The following SERPINE3 variants were observed in gnomAD, a reference collection of about 807,000 sequenced individuals.
SERPINE3 encodes the protein serpin E3.
A neutral mutation model predicts 41.7 loss-of-function variants in SERPINE3; 43 were observed. The observed-to-expected ratio is 1.03, with a 90% CI of 0.81 to 1.33. SERPINE3 has a LOEUF of 1.33. SERPINE3 is among the 40% of genes most tolerant of loss of function. The pLI, the probability that SERPINE3 is intolerant of heterozygous loss-of-function variation, is 0.00. For missense variants in SERPINE3, 440 were observed against 491.7 expected, an observed-to-expected ratio of 0.89 and a Z score of 0.99; for synonymous variants, 200 against 192.2, an observed-to-expected ratio of 1.04 and a Z score of -0.34.
At chr13:51,361,933 A>C (rs765330206) in intron 9 of SERPINE3, 40 bp downstream of exon 9, 1 of 1,611,980 alleles carries the variant, frequency 6.2e-7, no homozygotes, top group Admixed American at 1.7e-5. Flanking sequence ...ATAATTTATC[A>C]GTGTCTCTCT....
Position 51,347,234 on chromosome 13 carries a change from G to A in SERPINE3, c.700G>A (p.Gly234Ser), listed in dbSNP as rs778126334. ...MMHQTTEVNYGQFQDTAGHQV... is the reference protein window; with the variant it reads ...MMHQTTEVNYSQFQDTAGHQV... Reference sequence around the variant, plus strand: ...GCACCAAACGACCGAGGTCAACTACGGTGAGCTCTGCCCCTGCTGGTTTGT... The same window carrying A: ...GCACCAAACGACCGAGGTCAACTACAGTGAGCTCTGCCCCTGCTGGTTTGT... The change falls in exon 5 of 10, where the codon GGT becomes AGT. Residue 234 changes from glycine (G) to serine (S), a missense_variant and splice_region_variant. Coordinates refer to ENST00000681248, the MANE Select transcript of SERPINE3 (RefSeq NM_001386375.1). 3.8e-5 allele frequency: 62 copies of A among 1,612,906 alleles called. No individual in the cohort carries two copies. Among genetic ancestry groups the A allele is most frequent in the Non-Finnish European group, 4.8e-5 (57 of 1,179,422 alleles).
chr13:51,347,491 C>T (rs955013067), intron 5 of SERPINE3, among the ~76,000 whole-genome samples: 3 of 152,178 alleles, frequency 2.0e-5, no homozygotes, highest in Admixed American at 6.5e-5. Flanking sequence ...CTGACATTTC[C>T]TTCTGCACTA....
At chr13:51,346,428 A>G (rs1260059296) in intron 4 of SERPINE3, among the ~76,000 whole-genome samples, 5 of 152,342 alleles carry the variant, frequency 3.3e-5, no homozygotes, top group Non-Finnish European at 7.3e-5. Context: ...AATGGCCCCA[A>G]ACAGAACCAG....
At chr13:51,345,150 T>A (rs1955332943) in intron 4 of SERPINE3, among the ~76,000 whole-genome samples, 1 of 152,120 alleles carries the variant, frequency 6.6e-6, no homozygotes, top group Non-Finnish European at 1.5e-5. Context: ...CTCACAATAA[T>A]CCTAAGGGGT....
chr13:51,359,838 G>C (rs1955535881), intron 7 of SERPINE3, among the ~76,000 whole-genome samples: 1 of 152,016 alleles, frequency 6.6e-6, no homozygotes, highest in African/African-American at 2.4e-5. Flanking sequence ...TAATTAGCTA[G>C]TAAGAGGGGC....
intron 6 of SERPINE3, among the ~76,000 whole-genome samples, chr13:51,352,207 T>G (rs1469683569): frequency 6.6e-6 from 1 of 152,150 alleles, no homozygotes; most frequent in Non-Finnish European, 1.5e-5. Flanking sequence ...TGAGTATTAC[T>G]TTCTAACAAT....
In SERPINE3 at chr13:51,359,729, T is replaced by A. The variant is rs116071990; in HGVS notation, c.1001-1549T>A. Among the ~76,000 whole-genome samples the A allele has an allele frequency of 3.4e-3, 517 of 152,260 alleles. 3 individuals are homozygous for A. Among genetic ancestry groups the A allele is most frequent in the African/African-American group, 0.012 (490 of 41,564 alleles). On this transcript the variant is annotated intron_variant, in intron 7 of 9. Coordinates refer to ENST00000681248, the MANE Select transcript of SERPINE3 (RefSeq NM_001386375.1). ...GTTCAGACACCATCCTATATAGTCA[T>A]GAAGTCTCGGAGATTAGTAAAAGCC...
intron 4 of SERPINE3, 36 bp downstream of exon 4, chr13:51,344,521 C>T (rs1481925005): frequency 1.4e-6 from 2 of 1,467,196 alleles, no homozygotes; most frequent in Non-Finnish European, 1.9e-6. Context: ...AAGGCTAAGG[C>T]AGAGGGCTGC....
At chr13:51,351,023 CA>C (rs1955397722) in intron 6 of SERPINE3, among the ~76,000 whole-genome samples, 1 of 152,036 alleles carries the variant, frequency 6.6e-6, no homozygotes, top group African/African-American at 2.4e-5. Flanking sequence ...TGATATAGTA[CA>C]TTTTGTTTAC....
In SERPINE3 at chr13:51,344,288, C is replaced by A. The variant is rs1566191281; in HGVS notation, c.293C>A (p.Ala98Asp). The change falls in exon 4 of 10, where the codon GCC (alanine) becomes GAC (aspartate). Residue 98 changes from alanine (A) to aspartate (D), a missense_variant. Coordinates refer to ENST00000681248, the MANE Select transcript of SERPINE3 (RefSeq NM_001386375.1). ...RVKDFLHAVY[A>D]TLPTSSQGTE... ...AAAGATTTCTTGCATGCTGTTTATG[C>A]CACACTACCCACCTCCAGCCAAGGC... 2.5e-6 allele frequency: 4 copies of A among 1,613,912 alleles called. No homozygotes were observed. Among genetic ancestry groups the A allele is most frequent in the Non-Finnish European group, 3.4e-6 (4 of 1,179,856 alleles).
intron 7 of SERPINE3, among the ~76,000 whole-genome samples, chr13:51,360,044 C>A (rs1955539769): frequency 1.3e-5 from 2 of 152,222 alleles, no homozygotes; most frequent in South Asian, 2.1e-4. Context: ...ATATAGCCAA[C>A]TCCCAACATC....
At chr13:51,351,818 T>C (rs1468443071) in intron 6 of SERPINE3, among the ~76,000 whole-genome samples, 1 of 152,100 alleles carries the variant, frequency 6.6e-6, no homozygotes, top group Admixed American at 6.5e-5. Context: ...TTATTGTATA[T>C]AGTATGAGGT....
chr13:51,340,964 C>T lies in SERPINE3; in HGVS notation c.-18+103C>T, dbSNP rs1467967953. 7 of 1,056,434 alleles carry T rather than the reference C, an allele frequency of 6.6e-6. No individual in the cohort carries two copies. The East Asian group carries it at 1.7e-4, about 26-fold the overall frequency. 65.4% of individuals were successfully genotyped at this position (1,056,434 alleles called of 1,614,324 possible). On this transcript the variant is annotated intron_variant, in intron 2 of 9. Coordinates refer to ENST00000681248, the MANE Select transcript of SERPINE3 (RefSeq NM_001386375.1). Reference sequence around the variant, plus strand: ...ACAGCTCAATGCATCTCTCCCTCAGCCGTCCCTAGCCCCTAAAAACAGAGC... The same window carrying T: ...ACAGCTCAATGCATCTCTCCCTCAGTCGTCCCTAGCCCCTAAAAACAGAGC...
At chr13:51,342,065 C>G (rs1416785965) in intron 3 of SERPINE3, among the ~76,000 whole-genome samples, 1 of 151,876 alleles carries the variant, frequency 6.6e-6, no homozygotes, top group Non-Finnish European at 1.5e-5. Context: ...CTCAGTGCCT[C>G]AGCTCAATGC....
chr13:51,347,797 C>T (rs563610548), intron 5 of SERPINE3, among the ~76,000 whole-genome samples: 34 of 152,236 alleles, frequency 2.2e-4, no homozygotes, highest in South Asian at 1.0e-3. Context: ...ACAGTATGCC[C>T]GTTGGTCACT....
chr13:51,342,680 G>A (rs1955306075), intron 3 of SERPINE3, among the ~76,000 whole-genome samples: 1 of 152,130 alleles, frequency 6.6e-6, no homozygotes, highest in South Asian at 2.1e-4. Context: ...CAGAGAGGGT[G>A]GAAAGATGGA....
At chr13:51,344,226 A>G in intron 3 of SERPINE3, 26 bp from the exon 4 acceptor site, 1 of 1,582,620 alleles carries the variant, frequency 6.3e-7, no homozygotes, top group South Asian at 1.1e-5. Flanking sequence ...CACCATTGTC[A>G]ACTTATCCCA....
chr13:51,354,942 C>T, intron 6 of SERPINE3, 101 bp from the exon 7 acceptor site: 1 of 651,102 alleles, frequency 1.5e-6, no homozygotes, highest in Admixed American at 2.5e-5. Flanking sequence ...CTGGTGGAGC[C>T]AGCCTGACTT....
intron 7 of SERPINE3, among the ~76,000 whole-genome samples, chr13:51,355,920 T>G (rs911719014): frequency 6.6e-6 from 1 of 152,196 alleles, no homozygotes; most frequent in African/African-American, 2.4e-5. Flanking sequence ...CCTTGACATT[T>G]CCCTTACCTG....
Sources: gnomAD v4.1 joint callset for allele counts (sites outside exome capture counted in the v4.1 genomes callset) on GRCh38, gnomAD v4.1.1 for gene constraint, MANE v1.5 for transcripts, NCBI Gene and HGNC (gene_info 2026-07-23, HGNC 2026-07-21) for gene names.